APPL1: variants seen among roughly 807,000 people sequenced by gnomAD.
APPL1 encodes adaptor protein, phosphotyrosine interacting with PH domain and leucine zipper 1.
Under a neutral mutation model 106.8 loss-of-function variants are expected in APPL1, and 42 were observed. That is an observed-to-expected ratio of 0.39 (90% confidence interval 0.31 to 0.51). APPL1 has a LOEUF of 0.51. Ranked by LOEUF, APPL1 falls within the 20% of genes least tolerant of loss-of-function variation. APPL1 has a pLI of 0.75. For missense variants in APPL1, 769 were observed against 858.2 expected (o/e 0.90, Z 1.30); for synonymous variants, 263 against 281.8 (o/e 0.93, Z 0.67).
intron 15 of APPL1, 81 bp from the exon 16 acceptor site, chr3:57,258,947 C>A: frequency 5.1e-6 from 5 of 983,752 alleles, no homozygotes; most frequent in Middle Eastern, 2.3e-4. Flanking sequence ...TAAATGTTAA[C>A]TGTGGTTTTA....
chr3:57,237,841 A>T (rs903903436), intron 3 of APPL1, among the ~76,000 whole-genome samples: 1 of 152,232 alleles, frequency 6.6e-6, no homozygotes, highest in East Asian at 1.9e-4. Flanking sequence ...TACAGTGGGT[A>T]TTCCAATATG....
intron 1 of APPL1, among the ~76,000 whole-genome samples, chr3:57,231,593 T>G (rs2060687197): frequency 6.6e-6 from 1 of 151,908 alleles, no homozygotes; most frequent in Non-Finnish European, 1.5e-5. Flanking sequence ...TTGTAAACAC[T>G]TGAGGGTGGG....
At chr3:57,242,718 A>T (rs1335015234) in intron 6 of APPL1, 138 bp from the exon 7 acceptor site, 1 of 627,248 alleles carries the variant, frequency 1.6e-6, no homozygotes, top group East Asian at 3.1e-5. Context: ...TGTGGGGAAA[A>T]TTGAGTGCAG....
intron 19 of APPL1, 65 bp downstream of exon 19, chr3:57,260,839 TAATAATTA>T (rs1276061679): frequency 7.2e-7 from 1 of 1,397,776 alleles, no homozygotes; most frequent in Non-Finnish European, 9.5e-7. Flanking sequence ...TAAGATTTAA[TAATAATTA>T]AATTCTTACA....
chr3:57,268,612 G>A (rs1279487944), intron 21 of APPL1, 125 bp downstream of exon 21: 1 of 1,118,192 alleles, frequency 8.9e-7, no homozygotes, highest in Admixed American at 2.6e-5. Flanking sequence ...TTCATAAACA[G>A]ATGATTCATA....
At chr3:57,234,181 A>G (rs2060703575) in intron 1 of APPL1, among the ~76,000 whole-genome samples, 1 of 152,026 alleles carries the variant, frequency 6.6e-6, no homozygotes, top group Admixed American at 6.6e-5. Flanking sequence ...AGTTATCTCC[A>G]GTAGTTATTG....
intron 4 of APPL1, among the ~76,000 whole-genome samples, chr3:57,239,079 A>C (rs1210483331): frequency 6.6e-6 from 1 of 152,318 alleles, no homozygotes; most frequent in Non-Finnish European, 1.5e-5. Flanking sequence ...CAGATGAGAG[A>C]GAATGAAAGA....
intron 4 of APPL1, among the ~76,000 whole-genome samples, chr3:57,238,548 A>G (rs1413312782): frequency 6.6e-6 from 1 of 152,186 alleles, no homozygotes; most frequent in Non-Finnish European, 1.5e-5. Context: ...TAAAACAAAG[A>G]CCTAAAAGGT....
chr3:57,242,207 TG>T, intron 6 of APPL1, 65 bp downstream of exon 6: 1 of 1,231,510 alleles, frequency 8.1e-7, no homozygotes, highest in Non-Finnish European at 1.1e-6. Flanking sequence ...TGCATATCTG[TG>T]GCCAGATTCT....
Position 57,227,935 on chromosome 3 carries a change from C to G in APPL1, c.52C>G (p.Gln18Glu). The change falls in exon 1 of 22, where the codon CAG (glutamine) becomes GAG (glutamate). Residue 18 changes from glutamine (Q) to glutamate (E), a missense_variant and splice_region_variant. Gln to Glu is a conservative substitution (Grantham distance 29, BLOSUM62 2). Transcript: ENST00000288266. ...CGAGGAGACGCTGGAGGACAGCCCG[C>G]AGGTGAGGCGCGGGAGCTGGTGGGC... ...PIEETLEDSP[Q>E]TRSLLGVFEE... 1 of 1,444,380 alleles carries G rather than the reference C, an allele frequency of 6.9e-7. No individual in the cohort carries two copies. The highest frequency in any genetic ancestry group is 9.2e-7 in the Non-Finnish European group (1 of 1,091,306). 89.5% of individuals were successfully genotyped at this position (1,444,380 alleles called of 1,614,324 possible).
At chr3:57,266,975 C>T (rs996782819) in intron 19 of APPL1, among the ~76,000 whole-genome samples, 1 of 152,138 alleles carries the variant, frequency 6.6e-6, no homozygotes, top group Admixed American at 6.5e-5. Flanking sequence ...TAACAATCCC[C>T]TGCTGTTTTG....
intron 5 of APPL1, 28 bp downstream of exon 5, chr3:57,240,580 T>G (rs745795008): frequency 1.3e-6 from 2 of 1,571,054 alleles, no homozygotes; most frequent in Non-Finnish European, 1.8e-6. Context: ...ATGTTTACTT[T>G]CATTGGCTGT....
At position 57,232,745 on chromosome 3, in the gene APPL1, G is replaced by A. The variant is rs542090356; in HGVS notation, c.55-2821G>A. ...GGGCCCGGTGCGGTGGCTCACGCCT[G>A]TAATCCCAGCACTTTGGGAGGCCGA... On this transcript the variant is annotated intron_variant, in intron 1 of 21. Coordinates refer to ENST00000288266, the MANE Select transcript of APPL1 (RefSeq NM_012096.3). Among the ~76,000 whole-genome samples, 258 of 152,314 alleles carry A rather than the reference G, an allele frequency of 1.7e-3. 1 individual carries two copies. Among genetic ancestry groups the A allele is most frequent in the African/African-American group, 5.9e-3 (247 of 41,570 alleles).
At position 57,273,057 on chromosome 3, in the gene APPL1, T is replaced by A. The variant is rs1258062678; in HGVS notation, c.*3370T>A. On this transcript the variant is annotated 3_prime_UTR_variant, in exon 22 of 22. Coordinates refer to ENST00000288266, the MANE Select transcript of APPL1 (RefSeq NM_012096.3). ...GATTTTGTCTTTCTACATTAACTAG[T>A]AAGACATAAAGATTTGAAACTGGAA... The A allele has an allele frequency of 6.6e-6, 1 of 152,634 alleles. No individual in the cohort carries two copies. Among genetic ancestry groups the A allele is most frequent in the African/African-American group, 2.4e-5 (1 of 41,454 alleles). 9.5% of individuals were successfully genotyped at this position (152,634 alleles called of 1,614,324 possible).
At chr3:57,249,970 TGG>T (rs58545263) in intron 11 of APPL1, among the ~76,000 whole-genome samples, 73,560 of 151,370 alleles carry the variant, frequency 0.49, 18,382 homozygotes, top group East Asian at 0.85. Flanking sequence ...AAAATGTGAA[TGG>T]GGGGGGGTTG....
At position 57,259,957 on chromosome 3, in the gene APPL1, G is replaced by T; in HGVS notation, c.1596G>T (p.Arg532=). 1 of 1,613,848 alleles carries T rather than the reference G, an allele frequency of 6.2e-7. No individual in the cohort carries two copies. The highest frequency in any genetic ancestry group is 2.2e-5 in the East Asian group (1 of 44,868). ...CTATGCGCCAAATCTTAGCTGCCCG[G>T]GCCATCCATAACATCTTTCGTATGA... The part of the protein sequence containing the change: ...YETMRQILAA[R]AIHNIFRMTE... The change falls in exon 17 of 22, where the codon CGG becomes CGT. Residue 532 remains arginine (R), a synonymous_variant. Coordinates refer to ENST00000288266, the MANE Select transcript of APPL1 (RefSeq NM_012096.3).
chr3:57,259,099 A>T lies in APPL1; in HGVS notation c.1483+19A>T. On this transcript the variant is annotated intron_variant, in intron 16 of 21. Transcript: ENST00000288266. ...ACTGAAGGTAAGACAGATGTGCAGC[A>T]TTCATATATTTTAGAACTGCTTCTC... The T allele has an allele frequency of 6.3e-7, 1 of 1,599,014 alleles. No individual in the cohort carries two copies. Among genetic ancestry groups the T allele is most frequent in the African/African-American group, 1.3e-5 (1 of 74,520 alleles).
In APPL1 at chr3:57,252,528, C is replaced by T. The variant is rs148086717; in HGVS notation, c.1095+217C>T. 7.2e-5 allele frequency among the ~76,000 whole-genome samples: 11 copies of T among 152,272 alleles called. No individual in the cohort carries two copies. In the East Asian group the frequency reaches 1.7e-3, roughly 24 times the overall value. On this transcript the variant is annotated intron_variant, in intron 12 of 21. Transcript: ENST00000288266. ...TAGTGGGAGGGACCTTAGAGATCAT[C>T]TCTGCTATTTTAAAGGCTCAGATTG...
At chr3:57,265,968 C>G (rs963244631) in intron 19 of APPL1, among the ~76,000 whole-genome samples, 2 of 151,970 alleles carry the variant, frequency 1.3e-5, no homozygotes. Flanking sequence ...AGTTTTTGTC[C>G]TTTATTCTGT....
Sources: gnomAD v4.1 joint callset for allele counts (sites outside exome capture counted in the v4.1 genomes callset) on GRCh38, gnomAD v4.1.1 for gene constraint, MANE v1.5 for transcripts, NCBI Gene and HGNC (gene_info 2026-07-23, HGNC 2026-07-21) for gene names.